The following TRIM13 variants were observed in gnomAD, a reference collection of about 807,000 sequenced individuals.
The protein encoded by TRIM13 is tripartite motif containing 13.
Under a neutral mutation model 27.1 loss-of-function variants are expected in TRIM13, and 15 were observed. That is an observed-to-expected ratio of 0.55 (90% CI 0.37 to 0.85). The LOEUF is 0.85. Among genes scored for constraint, TRIM13 ranks in the 40% least tolerant of loss-of-function variants. The probability of loss-of-function intolerance (pLI) is 0.00; values close to 1 mark genes in which losing one functional copy is unlikely to be tolerated. For missense variants in TRIM13, 402 were observed against 472.2 expected (o/e 0.85, Z 1.38); for synonymous variants, 193 against 171.5 (o/e 1.13, Z -0.98).
At position 50,016,720 on chromosome 13, in the gene TRIM13, T is replaced by C. The variant is rs1876631666; in HGVS notation, c.*3556T>C. On this transcript the variant is annotated 3_prime_UTR_variant, in exon 2 of 2. Coordinates refer to ENST00000378182, the MANE Select transcript of TRIM13 (RefSeq NM_213590.3). ...GCTGGATCCTAACGCTGATTTCCAC[T>C]CTGCTGTCACAAACATTTTTCCCCC... is the stretch of plus-strand genomic sequence containing the variant. 1 of 167,068 alleles carries C rather than the reference T, an allele frequency of 6.0e-6. No homozygotes were observed. Among genetic ancestry groups the C allele is most frequent in the African/African-American group, 2.4e-5 (1 of 41,450 alleles). The allele number at this position is 167,068 out of a possible 1,614,324, so 10.3% of individuals were successfully genotyped here.
At chr13:50,001,841 G>C (rs1874081198) in intron 1 of TRIM13, among the ~76,000 whole-genome samples, 1 of 151,958 alleles carries the variant, frequency 6.6e-6, no homozygotes, top group South Asian at 2.1e-4. Flanking sequence ...GTCCTGTTTT[G>C]ATCATATAAG....
intron 1 of TRIM13, among the ~76,000 whole-genome samples, chr13:50,001,682 ATATT>A (rs1874063135): frequency 6.6e-6 from 1 of 152,198 alleles, no homozygotes; most frequent in East Asian, 1.9e-4. Context: ...TATATGTAAT[ATATT>A]AATTTTCATT....
intron 1 of TRIM13, among the ~76,000 whole-genome samples, chr13:49,998,113 A>T (rs1488435615): frequency 6.6e-6 from 1 of 152,118 alleles, no homozygotes; most frequent in African/African-American, 2.4e-5. Context: ...AGACCTTTAT[A>T]TAATAGGCAC....
At position 50,015,675 on chromosome 13, in the gene TRIM13, T is replaced by C. The variant is rs1594593711; in HGVS notation, c.*2511T>C. 1.9e-5 allele frequency: 31 copies of C among 1,614,156 alleles called. No individual in the cohort carries two copies. The highest frequency in any genetic ancestry group is 2.3e-5 in the Non-Finnish European group (27 of 1,180,004). On this transcript the variant is annotated 3_prime_UTR_variant, in exon 2 of 2. Coordinates refer to ENST00000378182, the MANE Select transcript of TRIM13 (RefSeq NM_213590.3). ...AGAGATGGTGATTTGTTTAGTTTCA[T>C]CTTAGATTTTTTGAGAACTCACCAG...
chr13:50,011,954 A>G lies in TRIM13; in HGVS notation c.14A>G (p.Glu5Gly). 1 of 1,609,750 alleles carries G rather than the reference A, an allele frequency of 6.2e-7. No individual in the cohort carries two copies. Among genetic ancestry groups the G allele is most frequent in the South Asian group, 1.1e-5 (1 of 90,394 alleles). The part of the protein sequence containing the change: MELL[E>G]EDLTCPICCS... Reference sequence around the variant, plus strand: ...TGGTAGGATGTGATGGAGCTGCTTGAAGAAGATCTCACATGCCCTATTTGT... The same window carrying G: ...TGGTAGGATGTGATGGAGCTGCTTGGAGAAGATCTCACATGCCCTATTTGT... The change falls in exon 2 of 2, where the codon GAA (glutamate) becomes GGA (glycine). Residue 5 changes from glutamate (E) to glycine (G), a missense_variant. This residue lies in a region of TRIM13 where 202 missense variants were observed against 277.5 expected (regional missense o/e 0.73). Coordinates refer to ENST00000378182, the MANE Select transcript of TRIM13 (RefSeq NM_213590.3).
In TRIM13 at chr13:50,012,937, A is replaced by G. The variant is rs769839616; in HGVS notation, c.997A>G (p.Thr333Ala). Residue 333 changes from threonine (T) to alanine (A), a missense_variant, in exon 2 of 2, where the codon ACC becomes GCC. Coordinates refer to ENST00000378182, the MANE Select transcript of TRIM13 (RefSeq NM_213590.3). ...TGGCCTTGTCATTGTCTTTGGTCCT[A>G]CCATGTTCCTAGAATGGTCATTATT... is the stretch of plus-strand genomic sequence containing the variant. Reference protein sequence around the residue: ...LLGLVIVFGPTMFLEWSLFDD... With the variant: ...LLGLVIVFGPAMFLEWSLFDD... The G allele has an allele frequency of 3.2e-5, 51 of 1,613,740 alleles. No homozygotes were observed. The highest frequency in any genetic ancestry group is 4.1e-5 in the Non-Finnish European group (48 of 1,179,970).
intron 1 of TRIM13, among the ~76,000 whole-genome samples, chr13:49,999,339 C>T (rs1242791099): frequency 6.6e-6 from 1 of 152,104 alleles, no homozygotes; most frequent in Non-Finnish European, 1.5e-5. Context: ...TGTACAAAAT[C>T]GATTGCGTTT....
chr13:49,998,763 T>C (rs1170872174), intron 1 of TRIM13, among the ~76,000 whole-genome samples: 1 of 151,874 alleles, frequency 6.6e-6, no homozygotes, highest in South Asian at 2.1e-4. Context: ...ATCCCATCTT[T>C]ACTAACAATA....
At chr13:49,998,250 T>TC (rs1257874669) in intron 1 of TRIM13, among the ~76,000 whole-genome samples, 1 of 152,218 alleles carries the variant, frequency 6.6e-6, no homozygotes, top group Non-Finnish European at 1.5e-5. Flanking sequence ...ACGTTTTTTT[T>TC]CCTTTCTCCC....
rs1193759213 is a variant in TRIM13, at chr13:50,015,256, TTCC to T, written c.*2095_*2097del. On this transcript the variant is annotated 3_prime_UTR_variant, in exon 2 of 2. Coordinates refer to ENST00000378182, the MANE Select transcript of TRIM13 (RefSeq NM_213590.3). ...TGGCAGTTTTCCTTAAGCTATTTAG[TTCC>T]TCATCTGTTGCTTTTTCATTTTGTA... is the stretch of plus-strand genomic sequence containing the variant. 3 of 387,652 alleles carry T rather than the reference TTCC, an allele frequency of 7.7e-6. No individual in the cohort carries two copies. Among genetic ancestry groups the T allele is most frequent in the Non-Finnish European group, 1.4e-5 (3 of 209,558 alleles). 24.0% of individuals were successfully genotyped at this position (387,652 alleles called of 1,614,324 possible).
chr13:50,008,121 G>C (rs1166781769), intron 1 of TRIM13, among the ~76,000 whole-genome samples: 1 of 151,958 alleles, frequency 6.6e-6, no homozygotes, highest in Non-Finnish European at 1.5e-5. Flanking sequence ...TAGCCAGGAT[G>C]GTCTTGATCT....
intron 1 of TRIM13, among the ~76,000 whole-genome samples, chr13:50,011,621 A>G (rs1329281108): frequency 6.6e-6 from 1 of 152,198 alleles, no homozygotes; most frequent in Non-Finnish European, 1.5e-5. Context: ...CTGTTTTAAA[A>G]CAATTGCTTG....
At chr13:50,011,859 C>G in intron 1 of TRIM13, 76 bp from the exon 2 acceptor site, 1 of 1,448,302 alleles carries the variant, frequency 6.9e-7, no homozygotes, top group Non-Finnish European at 9.2e-7. Flanking sequence ...AACGTGAAGG[C>G]AGATTTCTTC....
chr13:50,001,518 C>T (rs1874039376), intron 1 of TRIM13, among the ~76,000 whole-genome samples: 1 of 152,116 alleles, frequency 6.6e-6, no homozygotes, highest in Admixed American at 6.6e-5. Context: ...TCTATTTTGC[C>T]TTGTCAGGAT....
intron 1 of TRIM13, among the ~76,000 whole-genome samples, chr13:50,001,856 C>T (rs957002957): frequency 5.3e-5 from 8 of 151,836 alleles, no homozygotes; most frequent in Non-Finnish European, 7.4e-5. Flanking sequence ...TATAAGTCAC[C>T]GGGACAGTCT....
At position 50,006,694 on chromosome 13, in the gene TRIM13, GTCTT is replaced by G. The variant is rs1310163542; in HGVS notation, c.-6-5239_-6-5236del. ...TCTTTCAGAAGACAAACTAAGTTGA[GTCTT>G]TATAGCCATTCTCTTTCCAATGCTT... On this transcript the variant is annotated intron_variant, in intron 1 of 1. Transcript: ENST00000378182. Among the ~76,000 whole-genome samples the G allele has an allele frequency of 3.9e-5, 6 of 152,208 alleles. No individual in the cohort carries two copies. The East Asian group carries it at 9.6e-4, about 24-fold the overall frequency.
rs1233267353 is a variant in TRIM13 at position 50,017,139 on chromosome 13, CTTATCT to C, written c.*3982_*3987del. Reference sequence around the variant, plus strand: ...GCTGATTGTGAAGAAAATCTAATACCTTATCTTTATCTCAAACCTCTGTACAACTTT... The same window carrying C: ...GCTGATTGTGAAGAAAATCTAATACCTTATCTCAAACCTCTGTACAACTTT... On this transcript the variant is annotated 3_prime_UTR_variant, in exon 2 of 2. Coordinates refer to ENST00000378182, the MANE Select transcript of TRIM13 (RefSeq NM_213590.3). 6.0e-6 allele frequency: 1 copy of C among 166,874 alleles called. No individual in the cohort carries two copies. Among genetic ancestry groups the C allele is most frequent in the Admixed American group, 6.6e-5 (1 of 15,236 alleles). 10.3% of individuals were successfully genotyped at this position (166,874 alleles called of 1,614,324 possible).
At chr13:50,010,040 C>CTTTT (rs760914119) in intron 1 of TRIM13, among the ~76,000 whole-genome samples, 10 of 117,122 alleles carry the variant, frequency 8.5e-5, no homozygotes, top group East Asian at 5.1e-4. Context: ...GTAATTTAAT[C>CTTTT]TTTTTTTTTT....
In TRIM13 at chr13:50,016,446, T is replaced by C. The variant is rs1164931633; in HGVS notation, c.*3282T>C. On this transcript the variant is annotated 3_prime_UTR_variant, in exon 2 of 2. Transcript: ENST00000378182. ...TTCAGTGGTTCACATAAAGGCTCGC[T>C]CACTGGTTTCTCTTGAGTTCCTTAC... 4.8e-6 allele frequency: 1 copy of C among 208,104 alleles called. No homozygotes were observed. Among genetic ancestry groups the C allele is most frequent in the Non-Finnish European group, 1.1e-5 (1 of 94,060 alleles). 12.9% of individuals were successfully genotyped at this position (208,104 alleles called of 1,614,324 possible).
Sources: allele counts gnomAD v4.1 joint callset (sites outside exome capture counted in the v4.1 genomes callset), GRCh38; gene constraint gnomAD v4.1.1; regional missense constraint gnomAD v4.1.1; transcripts MANE v1.5; gene names NCBI Gene and HGNC (gene_info 2026-07-23, HGNC 2026-07-21).